Variants in MYO16 observed in about 807,000 individuals in gnomAD.
MYO16 encodes myosin XVI, also known as unconventional myosin-XVI.
A neutral mutation model predicts 205.3 loss-of-function variants in MYO16; 94 were observed. The observed-to-expected ratio is 0.46, with a 90% confidence interval of 0.39 to 0.54. MYO16 has a LOEUF of 0.54. Among genes scored for constraint, MYO16 ranks in the 20% least tolerant of loss-of-function variants. The probability of loss-of-function intolerance (pLI) is 0.00; values close to 1 mark genes in which losing one functional copy is unlikely to be tolerated. For missense variants in MYO16, 2,315 were observed against 2,387.5 expected (o/e 0.97, Z 0.63); for synonymous variants, 988 against 954.0 (o/e 1.04, Z -0.66).
chr13:109,092,059 A>G (rs1247874215), intron 27 of MYO16, among the ~76,000 whole-genome samples: 3 of 152,238 alleles, frequency 2.0e-5, no homozygotes, highest in Admixed American at 6.5e-5. Flanking sequence ...GTAAGTGTTC[A>G]ATAAATACTT....
Position 109,140,404 on chromosome 13 carries a change from C to T in MYO16, c.4192C>T (p.Pro1398Ser), listed in dbSNP as rs764376574. Residue 1398 changes from proline to serine, a missense_variant, in exon 32 of 35, where the codon CCC becomes TCC. By Grantham distance (74) the Pro-to-Ser change is moderately conservative (BLOSUM62 -1). Coordinates refer to ENST00000457511, the MANE Select transcript of MYO16 (RefSeq NM_001198950.3). The surrounding 1 kb of genome is among the most constrained non-coding windows in gnomAD (Gnocchi z 8.0). ...ISGSRPGDAR[P>S]AGAPGAAARV... ...GGGGTCCCGGCCCGGGGACGCGAGG[C>T]CCGCGGGCGCCCCGGGGGCAGCAGC... 2.5e-6 allele frequency: 4 copies of T among 1,585,890 alleles called. No homozygotes were observed. Among genetic ancestry groups the T allele is most frequent in the Middle Eastern group, 1.7e-4 (1 of 6,002 alleles).
At chr13:108,502,654 G>A in the MYO16 span, among the ~76,000 whole-genome samples, 3 of 152,058 alleles carry the variant, frequency 2.0e-5, no homozygotes, top group African/African-American at 4.8e-5. Flanking sequence ...TGCCTTTAAC[G>A]AACACATTTG....
At chr13:108,698,257 G>T (rs1926502) in intron 2 of MYO16, among the ~76,000 whole-genome samples, 78,006 of 151,960 alleles carry the variant, frequency 0.51, 20,439 homozygotes, top group East Asian at 0.71. Flanking sequence ...AGATATGCAG[G>T]AGGACCCCTT....
chr13:108,585,286 A>G, the MYO16 span, among the ~76,000 whole-genome samples: 1 of 152,196 alleles, frequency 6.6e-6, no homozygotes, highest in Non-Finnish European at 1.5e-5. Flanking sequence ...TAAGAAATAC[A>G]TTAGTTTGGT....
intron 20 of MYO16, among the ~76,000 whole-genome samples, chr13:108,975,594 A>G (rs1420822185): frequency 6.6e-6 from 1 of 152,158 alleles, no homozygotes; most frequent in Non-Finnish European, 1.5e-5. Flanking sequence ...GGAAAATCTC[A>G]AAAGGGTGTA....
chr13:108,881,384 T>C (rs1443309139), intron 12 of MYO16, among the ~76,000 whole-genome samples: 3 of 152,080 alleles, frequency 2.0e-5, no homozygotes. Context: ...GAGCGCTTCT[T>C]CTCTTCCAAA....
Position 108,879,364 on chromosome 13 carries a change from CT to C in MYO16, c.1426-3687del, listed in dbSNP as rs549863229. 1.7e-3 allele frequency among the ~76,000 whole-genome samples: 264 copies of C among 151,962 alleles called. 2 individuals carry two copies. Among genetic ancestry groups the C allele is most frequent in the Non-Finnish European group, 1.6e-3 (111 of 67,930 alleles). ...TGTACAGGCAACTTTTAACATCAACCTTTTTTTTATTATTATACTTTAAGTT... is the reference window on the plus strand; with the variant it reads ...TGTACAGGCAACTTTTAACATCAACCTTTTTTTATTATTATACTTTAAGTT... On this transcript the variant is annotated intron_variant, in intron 12 of 34. Transcript: ENST00000457511.
Position 109,141,457 on chromosome 13 carries a change from G to A in MYO16, c.5164+81G>A. On this transcript the variant is annotated intron_variant, in intron 32 of 34. Transcript: ENST00000457511. The surrounding 1 kb of genome is among the most constrained non-coding windows in gnomAD (Gnocchi z 4.1). ...ACCTGTGTACATCCGTGTCTGCGCA[G>A]ATGTGAAATAGTAAAGTTTCAGGTG... The A allele has an allele frequency of 1.0e-6, 1 of 984,188 alleles. No individual in the cohort carries two copies. The highest frequency in any genetic ancestry group is 1.4e-6 in the Non-Finnish European group (1 of 720,634). 61.0% of individuals were successfully genotyped at this position (984,188 alleles called of 1,614,324 possible). A position where few individuals can be genotyped will look rare whatever the true frequency, so the allele number is the denominator to read the frequency against.
At chr13:108,601,393 T>C (rs564181092) in intron 1 of MYO16, among the ~76,000 whole-genome samples, 38 of 152,242 alleles carry the variant, frequency 2.5e-4, no homozygotes, top group African/African-American at 8.4e-4. Context: ...AGAAGGAACA[T>C]AATTTTAAAT....
At chr13:108,563,168 T>G in the MYO16 span, among the ~76,000 whole-genome samples, 3 of 152,218 alleles carry the variant, frequency 2.0e-5, no homozygotes, top group African/African-American at 7.2e-5. Context: ...TGAAATATTT[T>G]ATAACAATAT....
intron 23 of MYO16, among the ~76,000 whole-genome samples, chr13:109,037,563 A>G (rs768985161): frequency 7.2e-5 from 11 of 152,228 alleles, no homozygotes; most frequent in Non-Finnish European, 1.3e-4. Context: ...ACAGGTGAGC[A>G]TTAGAAACAT....
intron 2 of MYO16, among the ~76,000 whole-genome samples, chr13:108,708,991 C>A (rs895216150): frequency 3.3e-5 from 5 of 150,744 alleles, no homozygotes; most frequent in Non-Finnish European, 7.4e-5. Context: ...TCAAATCATG[C>A]CCCCCCACCC....
At chr13:108,665,420 A>T (rs1375339233) in intron 1 of MYO16, among the ~76,000 whole-genome samples, 1 of 152,142 alleles carries the variant, frequency 6.6e-6, no homozygotes, top group East Asian at 1.9e-4. Flanking sequence ...CAGCATATAT[A>T]TTCTATTACC....
intron 28 of MYO16, among the ~76,000 whole-genome samples, chr13:109,119,810 A>G (rs953231258): frequency 6.6e-6 from 1 of 152,214 alleles, no homozygotes; most frequent in Non-Finnish European, 1.5e-5. Context: ...CTCAAAGATG[A>G]CTTTCTCATC....
At chr13:109,053,663 C>T (rs1267742792) in intron 25 of MYO16, among the ~76,000 whole-genome samples, 2 of 152,060 alleles carry the variant, frequency 1.3e-5, no homozygotes, top group African/African-American at 4.8e-5. Flanking sequence ...TTCCTCCACC[C>T]AGAAAGGGAA....
chr13:108,687,746 G>A (rs1566550557), intron 2 of MYO16, among the ~76,000 whole-genome samples: 2 of 152,146 alleles, frequency 1.3e-5, no homozygotes, highest in Non-Finnish European at 2.9e-5. Flanking sequence ...GATTTTTTGG[G>A]AACAGTGTAA....
chr13:108,726,584 A>G (rs1352117189), intron 3 of MYO16, among the ~76,000 whole-genome samples: 1 of 151,980 alleles, frequency 6.6e-6, no homozygotes, highest in Non-Finnish European at 1.5e-5. Flanking sequence ...AAAAAGAAAA[A>G]GAAAAATACT....
chr13:109,189,180 G>A (rs544499864), intron 34 of MYO16, among the ~76,000 whole-genome samples: 1 of 151,846 alleles, frequency 6.6e-6, no homozygotes, highest in East Asian at 1.9e-4. Flanking sequence ...GTCCTTCCAT[G>A]TTCTTCCCTC....
chr13:109,130,521 C>T (rs1876483827), intron 31 of MYO16, among the ~76,000 whole-genome samples: 1 of 152,258 alleles, frequency 6.6e-6, no homozygotes, highest in African/African-American at 2.4e-5. Flanking sequence ...AATTAACCAG[C>T]TTAAGCTGCT....
Sources: allele counts gnomAD v4.1 joint callset (sites outside exome capture counted in the v4.1 genomes callset), GRCh38; gene constraint gnomAD v4.1.1; non-coding constraint Gnocchi (gnomAD v3.1); transcripts MANE v1.5; gene names NCBI Gene and HGNC (gene_info 2026-07-23, HGNC 2026-07-21).